The following CREB5 variants were observed in gnomAD, a reference collection of about 807,000 sequenced individuals.
CREB5 encodes cyclic AMP-responsive element-binding protein 5.
Under a neutral mutation model 57.1 loss-of-function variants are expected in CREB5, and 19 were observed. The ratio of observed to expected loss-of-function variants is 0.33; its 90% CI spans 0.23 to 0.49. CREB5 has a LOEUF of 0.49. CREB5 is among the 20% of genes least tolerant of loss of function. CREB5 has a pLI of 0.99. For missense variants in CREB5, 579 were observed against 671.6 expected, an observed-to-expected ratio of 0.86 and a Z score of 1.52; for synonymous variants, 238 against 238.3, an observed-to-expected ratio of 1.00 and a Z score of 0.01.
intron 5 of CREB5, among the ~76,000 whole-genome samples, chr7:28,594,723 C>A (rs1009738913): frequency 1.3e-5 from 2 of 152,166 alleles, no homozygotes; most frequent in African/African-American, 4.8e-5. Flanking sequence ...AATCCATTTT[C>A]TCTCTAATGA....
At chr7:28,504,401 T>A (rs1351000855) in intron 3 of CREB5, among the ~76,000 whole-genome samples, 1 of 152,204 alleles carries the variant, frequency 6.6e-6, no homozygotes, top group Admixed American at 6.5e-5. Flanking sequence ...GGATGCTCCA[T>A]TGGTGCATAA....
chr7:28,415,537 T>A (rs1787991313), intron 1 of CREB5, among the ~76,000 whole-genome samples: 1 of 152,266 alleles, frequency 6.6e-6, no homozygotes, highest in African/African-American at 2.4e-5. Flanking sequence ...TAGTTTCTAT[T>A]TCATTCATTC....
At chr7:28,488,007 C>T (rs909156524) in intron 1 of CREB5, among the ~76,000 whole-genome samples, 168 bp from the exon 2 acceptor site, 2 of 152,220 alleles carry the variant, frequency 1.3e-5, no homozygotes, top group Non-Finnish European at 2.9e-5. Flanking sequence ...CAAAGAACTA[C>T]AGCCAAGCAG....
chr7:28,570,644 C>T (rs1795665571), intron 5 of CREB5, 107 bp downstream of exon 5: 1 of 1,252,260 alleles, frequency 8.0e-7, no homozygotes, highest in East Asian at 2.5e-5. Context: ...TTCTGGCTGT[C>T]ATGATATTGC....
At chr7:28,796,588 G>A (rs1808056821) in intron 7 of CREB5, among the ~76,000 whole-genome samples, 1 of 152,148 alleles carries the variant, frequency 6.6e-6, no homozygotes, top group African/African-American at 2.4e-5. Flanking sequence ...ATCAACCAAG[G>A]TCCTGGAGCC....
intron 1 of CREB5, among the ~76,000 whole-genome samples, chr7:28,443,389 G>C (rs933704139): frequency 3.3e-5 from 5 of 152,230 alleles, no homozygotes; most frequent in Middle Eastern, 3.4e-3. Context: ...TATTACACTG[G>C]ACAGTAAGCA....
intron 5 of CREB5, among the ~76,000 whole-genome samples, chr7:28,584,721 C>T (rs538389306): frequency 2.0e-5 from 3 of 151,676 alleles, no homozygotes; most frequent in South Asian, 2.1e-4. Context: ...CCCTAGAAAA[C>T]GAATACATGT....
upstream of CREB5, chr7:28,409,856 G>T (rs574574233): frequency 3.7e-4 from 166 of 453,362 alleles, no homozygotes; most frequent in Non-Finnish European, 5.6e-4. The surrounding 1 kb of genome is among the most constrained non-coding windows in gnomAD (Gnocchi z 4.4). Context: ...CCCCTGACGC[G>T]GGGACCAGTT....
chr7:28,696,482 A>G (rs940430641), intron 5 of CREB5, among the ~76,000 whole-genome samples: 3 of 152,136 alleles, frequency 2.0e-5, no homozygotes, highest in Non-Finnish European at 4.4e-5. Flanking sequence ...GTTTTGTACC[A>G]TTTCTTCTAC....
At chr7:28,486,704 G>C (rs1791571935) in intron 1 of CREB5, among the ~76,000 whole-genome samples, 1 of 63,430 alleles carries the variant, frequency 1.6e-5, no homozygotes, top group Non-Finnish European at 3.4e-5. Context: ...GTTACTGTGT[G>C]GATTGGTAAC....
chr7:28,629,916 G>A (rs552266741), intron 5 of CREB5, among the ~76,000 whole-genome samples: 90 of 152,292 alleles, frequency 5.9e-4, no homozygotes, highest in African/African-American at 2.1e-3. Context: ...TGAAAGGATA[G>A]GCTTCTATGG....
chr7:28,428,801 A>C (rs1788606946), intron 1 of CREB5, among the ~76,000 whole-genome samples: 1 of 152,144 alleles, frequency 6.6e-6, no homozygotes, highest in African/African-American at 2.4e-5. Flanking sequence ...GGCCAGCCTC[A>C]TCTCACAGCA....
rs199933711 is a variant in CREB5 at position 28,560,857 on chromosome 7, TGC to T, written c.292-9506_292-9505del. ...GCGTGTGTGTGTGCGCGTGTGTGTG[TGC>T]GTGTGCCTGCGTGCGCGTGCGTGCG... On this transcript the variant is annotated intron_variant, in intron 4 of 10. Transcript: ENST00000357727. 7.4e-3 allele frequency among the ~76,000 whole-genome samples: 377 copies of T among 50,988 alleles called. 32 individuals carry two copies. Among genetic ancestry groups the T allele is most frequent in the East Asian group, 0.037 (51 of 1,374 alleles). 33.5% of individuals were successfully genotyped at this position (50,988 alleles called of 152,430 possible).
At chr7:28,638,540 T>C (rs1350414776) in intron 5 of CREB5, among the ~76,000 whole-genome samples, 1 of 151,914 alleles carries the variant, frequency 6.6e-6, no homozygotes, top group Non-Finnish European at 1.5e-5. Context: ...AGAGACAGGG[T>C]TTTGTCATTT....
intron 1 of CREB5, among the ~76,000 whole-genome samples, chr7:28,378,300 T>A (rs1321345826): frequency 6.6e-6 from 1 of 151,798 alleles, no homozygotes; most frequent in Non-Finnish European, 1.5e-5. Context: ...TCCTGGGATT[T>A]TTTTTTTTCT....
chr7:28,597,896 C>T (rs1002149464), intron 5 of CREB5, among the ~76,000 whole-genome samples: 2 of 152,166 alleles, frequency 1.3e-5, no homozygotes, highest in African/African-American at 4.8e-5. Context: ...ATGGTCACTA[C>T]ATTTGAATTC....
chr7:28,800,106 T>C (rs1808277443), intron 7 of CREB5, among the ~76,000 whole-genome samples: 3 of 152,202 alleles, frequency 2.0e-5, no homozygotes, highest in Admixed American at 6.5e-5. Flanking sequence ...TGAATATTAA[T>C]TAAATAATCA....
chr7:28,760,852 C>T (rs1396260455), intron 7 of CREB5, among the ~76,000 whole-genome samples: 1 of 152,114 alleles, frequency 6.6e-6, no homozygotes, highest in Non-Finnish European at 1.5e-5. Context: ...GTTGCGGAAT[C>T]TAAGAGAGAA....
At chr7:28,748,742 C>T (rs868092318) in intron 7 of CREB5, among the ~76,000 whole-genome samples, 20 of 152,292 alleles carry the variant, frequency 1.3e-4, no homozygotes, top group Middle Eastern at 3.4e-3. Flanking sequence ...GCAGCCTGCA[C>T]AGGCCCCAGC....
Sources: allele counts gnomAD v4.1 joint callset (sites outside exome capture counted in the v4.1 genomes callset), GRCh38; gene constraint gnomAD v4.1.1; non-coding constraint Gnocchi (gnomAD v3.1); transcripts MANE v1.5; gene names NCBI Gene and HGNC (gene_info 2026-07-23, HGNC 2026-07-21).